TTC27: variants seen among roughly 807,000 people sequenced by gnomAD.
TTC27 encodes the protein tetratricopeptide repeat protein 27.
In TTC27, 79 loss-of-function variants were observed where a neutral mutation model predicts 115.9. The observed-to-expected ratio is 0.68, with a 90% CI of 0.57 to 0.82. The LOEUF is 0.82. Among genes scored for constraint, TTC27 ranks in the 40% least tolerant of loss-of-function variants. TTC27 has a pLI of 0.00. For missense variants in TTC27, 1,054 were observed against 993.1 expected (o/e 1.06, Z -0.82); for synonymous variants, 401 against 356.0 (o/e 1.13, Z -1.42).
intron 14 of TTC27, 108 bp downstream of exon 14, chr2:32,778,088 T>A: frequency 9.8e-7 from 1 of 1,018,304 alleles, no homozygotes; most frequent in Non-Finnish European, 1.5e-6. Context: ...GAGGAAAGTG[T>A]ACATTTGAGG....
rs144094745 is a variant in TTC27, at chr2:32,761,428, C to A, written c.1680+2909C>A. Among the ~76,000 whole-genome samples the A allele has an allele frequency of 5.5e-3, 839 of 152,284 alleles. 6 individuals carry two copies. Among genetic ancestry groups the A allele is most frequent in the African/African-American group, 0.018 (767 of 41,558 alleles). On this transcript the variant is annotated intron_variant, in intron 13 of 19. Transcript: ENST00000317907. ...TGCCCCTCTGCCTATTCTCAAAGGA[C>A]ATCCACATTTATCTTTCAAACTCAG...
intron 10 of TTC27, among the ~76,000 whole-genome samples, chr2:32,729,969 C>A (rs1031404940): frequency 4.6e-5 from 7 of 152,106 alleles, no homozygotes; most frequent in Non-Finnish European, 5.9e-5. Flanking sequence ...GCTTTGGAGA[C>A]CATTTACCTA....
At chr2:32,780,164 C>A in intron 14 of TTC27, 2 of 434,870 alleles carry the variant, frequency 4.6e-6, no homozygotes, top group Non-Finnish European at 9.7e-6. Flanking sequence ...GGCTATTCAG[C>A]ATTCCTTGAA....
intron 13 of TTC27, among the ~76,000 whole-genome samples, chr2:32,762,996 A>G (rs1325104478): frequency 2.0e-5 from 3 of 152,186 alleles, no homozygotes; most frequent in Non-Finnish European, 4.4e-5. Context: ...AATAGGAAGG[A>G]AGGGATGAAG....
In TTC27 at chr2:32,648,222, G is replaced by A. The variant is rs1664940225; in HGVS notation, c.538-1909G>A. On this transcript the variant is annotated intron_variant, in intron 4 of 19. Transcript: ENST00000317907. ...GGCTCACTGCAACCTCCGCCTCCTG[G>A]GTTCAAGTGATTCTCCTGCTTCAAC... Among the ~76,000 whole-genome samples, 4 of 152,016 alleles carry A rather than the reference G, an allele frequency of 2.6e-5. No individual in the cohort carries two copies. The South Asian group carries it at 8.3e-4, about 32-fold the overall frequency.
chr2:32,739,633 AG>A (rs966876646), intron 12 of TTC27, among the ~76,000 whole-genome samples: 2 of 152,108 alleles, frequency 1.3e-5, no homozygotes, highest in African/African-American at 4.8e-5. Flanking sequence ...TTAGCCAAAC[AG>A]CCCCCAAAAT....
In TTC27 at chr2:32,736,680, C is replaced by G; in HGVS notation, c.1330-14C>G. Reference sequence around the variant, plus strand: ...CACCAAGAAGTATTAATTATTTTTACTTGATTTTTCTAGCGCCAACTTGCA... The same window carrying G: ...CACCAAGAAGTATTAATTATTTTTAGTTGATTTTTCTAGCGCCAACTTGCA... On this transcript the variant is annotated splice_polypyrimidine_tract_variant and intron_variant, in intron 11 of 19. Transcript: ENST00000317907. 1.2e-6 allele frequency: 2 copies of G among 1,613,498 alleles called. No homozygotes were observed. Among genetic ancestry groups the G allele is most frequent in the Non-Finnish European group, 1.7e-6 (2 of 1,179,722 alleles).
Position 32,737,907 on chromosome 2 carries a change from T to C in TTC27, c.1452+1091T>C, listed in dbSNP as rs1668499392. On this transcript the variant is annotated intron_variant, in intron 12 of 19. Transcript: ENST00000317907. ...GGTGCATGCCTGTAATTCTAGTTACTTGGGAGACTGAGGGAGGATGATCAC... is the reference window on the plus strand; with the variant it reads ...GGTGCATGCCTGTAATTCTAGTTACCTGGGAGACTGAGGGAGGATGATCAC... 2.6e-5 allele frequency among the ~76,000 whole-genome samples: 4 copies of C among 152,108 alleles called. No individual in the cohort carries two copies. In the South Asian group the frequency reaches 8.3e-4, roughly 32 times the overall value.
chr2:32,774,011 A>G (rs1373567229), intron 13 of TTC27, among the ~76,000 whole-genome samples: 1 of 152,204 alleles, frequency 6.6e-6, no homozygotes, highest in African/African-American at 2.4e-5. Flanking sequence ...ATCAAATTTC[A>G]CAAATTTGTG....
At chr2:32,757,979 G>C (rs1427161833) in intron 12 of TTC27, among the ~76,000 whole-genome samples, 1 of 152,232 alleles carries the variant, frequency 6.6e-6, no homozygotes, top group Non-Finnish European at 1.5e-5. Flanking sequence ...TGGGATTCCA[G>C]GCGTGAGCCA....
At chr2:32,652,456 A>G (rs1299525374) in intron 5 of TTC27, among the ~76,000 whole-genome samples, 1 of 152,178 alleles carries the variant, frequency 6.6e-6, no homozygotes, top group Non-Finnish European at 1.5e-5. Context: ...ATTCTATTTT[A>G]TGAGTTAAAA....
intron 15 of TTC27, among the ~76,000 whole-genome samples, chr2:32,783,415 G>A (rs1029209615): frequency 6.6e-6 from 1 of 152,194 alleles, no homozygotes; most frequent in Non-Finnish European, 1.5e-5. Context: ...AGTATTTTAG[G>A]AGATAAGAAG....
intron 13 of TTC27, among the ~76,000 whole-genome samples, chr2:32,773,976 T>G (rs12989970): frequency 6.6e-6 from 1 of 152,088 alleles, no homozygotes; most frequent in Non-Finnish European, 1.5e-5. Flanking sequence ...CTAGTTGAAA[T>G]TGATCCATGC....
At chr2:32,685,771 T>C (rs1666608077) in intron 9 of TTC27, among the ~76,000 whole-genome samples, 2 of 152,206 alleles carry the variant, frequency 1.3e-5, no homozygotes, top group Non-Finnish European at 2.9e-5. Flanking sequence ...TGGTGAAAAG[T>C]AGTCTTTCCC....
chr2:32,724,151 A>G (rs1384142659), intron 10 of TTC27, among the ~76,000 whole-genome samples: 1 of 151,986 alleles, frequency 6.6e-6, no homozygotes, highest in African/African-American at 2.4e-5. Flanking sequence ...GGTCCCCTGG[A>G]GAAGTTTTGG....
At chr2:32,725,679 T>C (rs1422123413) in intron 10 of TTC27, among the ~76,000 whole-genome samples, 1 of 152,156 alleles carries the variant, frequency 6.6e-6, no homozygotes, top group African/African-American at 2.4e-5. Context: ...GATTTACCAT[T>C]CTGGGGTCTG....
intron 13 of TTC27, among the ~76,000 whole-genome samples, chr2:32,768,119 A>T (rs1006501345): frequency 8.5e-5 from 13 of 152,256 alleles, no homozygotes; most frequent in African/African-American, 3.1e-4. Context: ...AGAATAATTA[A>T]TTTTAATTCT....
intron 3 of TTC27, among the ~76,000 whole-genome samples, chr2:32,637,365 T>C (rs573435458): frequency 6.6e-6 from 1 of 152,008 alleles, no homozygotes; most frequent in Non-Finnish European, 1.5e-5. Context: ...GGAGTCTCAC[T>C]GTGTTGCCCA....
At chr2:32,748,275 T>C (rs1313807195) in intron 12 of TTC27, among the ~76,000 whole-genome samples, 1 of 152,228 alleles carries the variant, frequency 6.6e-6, no homozygotes, top group East Asian at 1.9e-4. Flanking sequence ...TTGAATTTTA[T>C]CCCAATTGTG....
Sources: allele counts gnomAD v4.1 joint callset (sites outside exome capture counted in the v4.1 genomes callset), GRCh38; gene constraint gnomAD v4.1.1; transcripts MANE v1.5; gene names NCBI Gene and HGNC (gene_info 2026-07-23, HGNC 2026-07-21).